CUX1: variants seen among roughly 807,000 people sequenced by gnomAD.
The protein encoded by CUX1 is protein CASP.
CUX1 carries 31 observed loss-of-function variants against 158.8 expected under a neutral mutation model. The ratio of observed to expected loss-of-function variants is 0.20; its 90% confidence interval spans 0.15 to 0.26. CUX1 has a LOEUF of 0.26. CUX1 is among the 10% of genes least tolerant of loss of function. CUX1 has a pLI of 1.00. For missense variants in CUX1, 1,589 were observed against 2,014.6 expected, an observed-to-expected ratio of 0.79 and a Z score of 4.04; for synonymous variants, 879 against 862.1, an observed-to-expected ratio of 1.02 and a Z score of -0.34.
In CUX1 at chr7:102,097,710, C is replaced by A. The variant is rs1207968110; in HGVS notation, c.406+209C>A. On this transcript the variant is annotated intron_variant, in intron 5 of 23. Coordinates refer to ENST00000292535, the MANE Select transcript of CUX1 (RefSeq NM_181552.4). ...GTAAAACTTTTCCTCTGCACAACAA[C>A]GACGTAAGATTTTATTGCCCTCTGA... 1.9e-3 allele frequency among the ~76,000 whole-genome samples: 51 copies of A among 27,504 alleles called. No homozygotes were observed. In the African/African-American group the frequency reaches 0.023, roughly 13 times the overall value. The allele number at this position is 27,504 out of a possible 152,430, so 18.0% of individuals were successfully genotyped here.
At chr7:101,861,776 T>G (rs1797482414) in intron 1 of CUX1, among the ~76,000 whole-genome samples, 1 of 152,050 alleles carries the variant, frequency 6.6e-6, no homozygotes, top group Non-Finnish European at 1.5e-5. Flanking sequence ...AACTTTTTTT[T>G]TTTTTTGAGA....
chr7:102,276,740 C>T (rs1356047901), intron 17 of CUX1, among the ~76,000 whole-genome samples: 2 of 152,078 alleles, frequency 1.3e-5, no homozygotes, highest in Non-Finnish European at 2.9e-5. Context: ...TACGAACATT[C>T]GGTATAGGCA....
intron 21 of CUX1, among the ~76,000 whole-genome samples, chr7:102,228,132 G>A (rs1214110172): frequency 1.3e-5 from 2 of 151,776 alleles, no homozygotes; most frequent in African/African-American, 4.8e-5. Context: ...TGTATTTTCA[G>A]TAGAGGTGGG....
chr7:102,020,593 A>T (rs1014974263), intron 2 of CUX1, among the ~76,000 whole-genome samples: 1 of 152,174 alleles, frequency 6.6e-6, no homozygotes, highest in African/African-American at 2.4e-5. Context: ...ATAAAAAGAC[A>T]TTGGGGTCAG....
intron 1 of CUX1, among the ~76,000 whole-genome samples, chr7:101,819,578 C>G (rs1055784679): frequency 2.0e-5 from 3 of 152,098 alleles, no homozygotes; most frequent in African/African-American, 7.2e-5. Context: ...GTACTGTTTG[C>G]CATAATAAGT....
chr7:101,838,829 T>C (rs981481461), intron 1 of CUX1, among the ~76,000 whole-genome samples: 1 of 151,708 alleles, frequency 6.6e-6, no homozygotes, highest in Non-Finnish European at 1.5e-5. Flanking sequence ...ACCTTCAGAA[T>C]TGACCTGTGT....
At chr7:101,826,279 G>A (rs1793285822) in intron 1 of CUX1, among the ~76,000 whole-genome samples, 1 of 151,866 alleles carries the variant, frequency 6.6e-6, no homozygotes, top group Admixed American at 6.6e-5. Context: ...GTTCACTGAA[G>A]CCTTGACCTC....
chr7:101,925,426 T>G lies in CUX1; in HGVS notation c.141+9201T>G, dbSNP rs963809236. Among the ~76,000 whole-genome samples, 9 of 152,230 alleles carry G rather than the reference T, an allele frequency of 5.9e-5. No individual in the cohort carries two copies. In the East Asian group the frequency reaches 1.5e-3, roughly 26 times the overall value. On this transcript the variant is annotated intron_variant, in intron 2 of 23. Transcript: ENST00000292535. ...GTGCCTGGCCAAAAGTAGATTTCTA[T>G]AGAGATAGAAACCCCCAGGGGTGAG...
chr7:102,165,503 T>C (rs1554508496), intron 9 of CUX1, among the ~76,000 whole-genome samples: 1 of 151,952 alleles, frequency 6.6e-6, no homozygotes, highest in Non-Finnish European at 1.5e-5. Flanking sequence ...TAGCTGGGAC[T>C]ACAGGTGCAC....
At chr7:101,908,824 G>A (rs1445196169) in intron 1 of CUX1, among the ~76,000 whole-genome samples, 3 of 152,162 alleles carry the variant, frequency 2.0e-5, no homozygotes, top group South Asian at 2.1e-4. Flanking sequence ...GTGATGTAGC[G>A]TTTACTGTGC....
At chr7:102,231,122 C>A (rs1798937645) in intron 21 of CUX1, among the ~76,000 whole-genome samples, 1 of 150,376 alleles carries the variant, frequency 6.6e-6, no homozygotes, top group Non-Finnish European at 1.5e-5. Flanking sequence ...CTCCGCCTCC[C>A]AGGTTCACGC....
At chr7:101,942,798 C>T (rs1279222762) in intron 2 of CUX1, among the ~76,000 whole-genome samples, 1 of 152,210 alleles carries the variant, frequency 6.6e-6, no homozygotes, top group Non-Finnish European at 1.5e-5. Flanking sequence ...GCTTGAGCTC[C>T]TCCACCGACT....
Position 102,249,997 on chromosome 7 carries a change from C to T in CUX1, c.*955C>T, listed in dbSNP as rs1018180536. On this transcript the variant is annotated 3_prime_UTR_variant, in exon 24 of 24. Coordinates refer to ENST00000292535, the MANE Select transcript of CUX1 (RefSeq NM_181552.4). ...TAGCTTTAACTGACCCTGGGTTTTG[C>T]AGACCAGGGTTTGTTTAATACACTC... 3 of 980,784 alleles carry T rather than the reference C, an allele frequency of 3.1e-6. No individual in the cohort carries two copies. The African/African-American group carries it at 5.4e-5, about 18-fold the overall frequency. The allele number at this position is 980,784 out of a possible 1,614,324, so 60.8% of individuals were successfully genotyped here. A position where few individuals can be genotyped will look rare whatever the true frequency, so the allele number is the denominator to read the frequency against.
At chr7:101,893,259 C>G (rs1801097522) in intron 1 of CUX1, among the ~76,000 whole-genome samples, 1 of 144,490 alleles carries the variant, frequency 6.9e-6, no homozygotes, top group African/African-American at 2.5e-5. Flanking sequence ...CCTCCTACCT[C>G]AGCCTCCCAA....
chr7:102,196,968 C>T lies in CUX1; in HGVS notation c.1557C>T (p.Ser519=), dbSNP rs1554518534. Residue 519 remains serine, a synonymous_variant, in exon 15 of 24, where the codon TCC becomes TCT. Coordinates refer to ENST00000292535, the MANE Select transcript of CUX1 (RefSeq NM_181552.4). ...TGPYSTNSIS[S]QSPLQQSPDV... is the part of the protein sequence containing the mutation. Reference sequence around the variant, plus strand: ...CATACAGCACAAACTCCATATCTTCCCAAAGTCCATTACAACAAAGCCCAG... The same window carrying T: ...CATACAGCACAAACTCCATATCTTCTCAAAGTCCATTACAACAAAGCCCAG... 1 of 1,614,222 alleles carries T rather than the reference C, an allele frequency of 6.2e-7. No homozygotes were observed. Among genetic ancestry groups the T allele is most frequent in the East Asian group, 2.2e-5 (1 of 44,890 alleles).
At chr7:102,179,321 T>G (rs1174104901) in intron 11 of CUX1, among the ~76,000 whole-genome samples, 2 of 152,238 alleles carry the variant, frequency 1.3e-5, no homozygotes, top group Non-Finnish European at 2.9e-5. Flanking sequence ...GTGCTGAGAT[T>G]ACAGGTCTGA....
Position 102,250,388 on chromosome 7 carries a change from G to A in CUX1, c.*1346G>A. 1.0e-6 allele frequency: 1 copy of A among 985,522 alleles called. No individual in the cohort carries two copies. The highest frequency in any genetic ancestry group is 1.2e-6 in the Non-Finnish European group (1 of 830,014). 61.0% of individuals were successfully genotyped at this position (985,522 alleles called of 1,614,324 possible). A position where few individuals can be genotyped will look rare whatever the true frequency, so the allele number is the denominator to read the frequency against. ...GCACCTCACCTCACACCACTCTCCT[G>A]GATACCTGATGAACTGAGCCCTCCC... On this transcript the variant is annotated 3_prime_UTR_variant, in exon 24 of 24. Coordinates refer to ENST00000292535, the MANE Select transcript of CUX1 (RefSeq NM_181552.4).
intron 4 of CUX1, among the ~76,000 whole-genome samples, chr7:102,089,828 A>G (rs1397664431): frequency 1.3e-5 from 2 of 152,166 alleles, no homozygotes; most frequent in African/African-American, 4.8e-5. Context: ...GTGTCCTTCA[A>G]TGGACAGGGA....
Position 102,195,580 on chromosome 7 carries a change from G to A in CUX1, c.1199G>A (p.Arg400His), listed in dbSNP as rs781840265. The change falls in exon 14 of 24, where the codon CGC (arginine) becomes CAC (histidine). Residue 400 changes from arginine to histidine, a missense_variant. Transcript: ENST00000292535. ...RSLQSENAAL[R>H]ISNSDLSGSA... ...CTGCAGTCCGAGAACGCCGCGCTGC[G>A]CATCTCCAACAGCGACCTGAGCGGT... is the stretch of plus-strand genomic sequence containing the variant. 1.9e-6 allele frequency: 3 copies of A among 1,610,670 alleles called. No individual in the cohort carries two copies. Among genetic ancestry groups the A allele is most frequent in the Admixed American group, 1.7e-5 (1 of 59,720 alleles).
Sources: gnomAD v4.1 joint callset for allele counts (sites outside exome capture counted in the v4.1 genomes callset) on GRCh38, gnomAD v4.1.1 for gene constraint, MANE v1.5 for transcripts, NCBI Gene and HGNC (gene_info 2026-07-23, HGNC 2026-07-21) for gene names.